VPS13B: variants seen among roughly 807,000 people sequenced by gnomAD.
VPS13B encodes vacuolar protein sorting 13 homolog B.
A neutral mutation model predicts 426.4 loss-of-function variants in VPS13B; 285 were observed. That is an observed-to-expected ratio of 0.67 (90% CI 0.61 to 0.74). VPS13B has a LOEUF of 0.74. Among genes scored for constraint, VPS13B ranks in the 30% least tolerant of loss-of-function variants. VPS13B has a pLI of 0.00. For synonymous variants in VPS13B, 1,676 were observed against 1,676.4 expected (o/e 1.00, Z 0.01); for missense variants, 4,537 against 4,782.6 (o/e 0.95, Z 1.51).
chr8:99,386,972 AAAT>A (rs1814159391), intron 20 of VPS13B, among the ~76,000 whole-genome samples: 1 of 152,144 alleles, frequency 6.6e-6, no homozygotes, highest in African/African-American at 2.4e-5. Context: ...CCATCTCTAA[AAAT>A]AATAAGAATA....
At chr8:99,148,181 C>T (rs1267933063) in intron 14 of VPS13B, among the ~76,000 whole-genome samples, 171 bp downstream of exon 14, 1 of 151,106 alleles carries the variant, frequency 6.6e-6, no homozygotes, top group East Asian at 1.9e-4. Context: ...AGTTTGAGAC[C>T]AGCCTAGGCA....
At chr8:99,016,060 T>C (rs1841595617) in intron 2 of VPS13B, among the ~76,000 whole-genome samples, 1 of 152,240 alleles carries the variant, frequency 6.6e-6, no homozygotes, top group African/African-American at 2.4e-5. Context: ...CCCATGTTGT[T>C]AGAAGAGTTT....
intron 33 of VPS13B, among the ~76,000 whole-genome samples, chr8:99,585,598 G>A (rs770755019): frequency 1.2e-4 from 19 of 152,032 alleles, no homozygotes; most frequent in Admixed American, 3.9e-4. Context: ...ATCTCAATAA[G>A]TGAAAAAAAT....
At chr8:99,503,057 A>G (rs1821323620) in intron 27 of VPS13B, 107 bp downstream of exon 27, 5 of 793,224 alleles carry the variant, frequency 6.3e-6, no homozygotes, top group African/African-American at 5.1e-5. Flanking sequence ...TAAATACTAT[A>G]CAGGCATACC....
rs531364654 is a variant in VPS13B, at chr8:99,320,405, T to G, written c.2824+45151T>G. On this transcript the variant is annotated intron_variant, in intron 19 of 61. Transcript: ENST00000357162. ...ATACAACATCAGTAATTTCTTCCTC[T>G]TCTTCAATTTTCTTTTTACTCTTCC... 4.5e-4 allele frequency among the ~76,000 whole-genome samples: 68 copies of G among 152,340 alleles called. No individual in the cohort carries two copies. The South Asian group carries it at 0.014, about 31-fold the overall frequency.
intron 17 of VPS13B, among the ~76,000 whole-genome samples, chr8:99,237,119 A>G (rs928005775): frequency 1.3e-5 from 2 of 152,138 alleles, no homozygotes. Flanking sequence ...GCCTTCCCCC[A>G]TGATTGTGAG....
intron 35 of VPS13B, among the ~76,000 whole-genome samples, chr8:99,693,010 C>T (rs1253167470): frequency 1.5e-3 from 195 of 133,794 alleles, no homozygotes; most frequent in East Asian, 3.5e-3. Flanking sequence ...AGTTGAATCT[C>T]TGAATAGACC....
chr8:99,631,712 T>G (rs935108610), intron 33 of VPS13B, among the ~76,000 whole-genome samples: 6 of 151,970 alleles, frequency 3.9e-5, no homozygotes, highest in African/African-American at 1.2e-4. Context: ...ATGGTGTGTG[T>G]GTGGGTGTGT....
At chr8:99,352,562 A>G (rs3103721) in intron 19 of VPS13B, among the ~76,000 whole-genome samples, 125,695 of 152,186 alleles carry the variant, frequency 0.83, 52,432 homozygotes, top group South Asian at 0.89. Context: ...GGCTGGGCGC[A>G]GTGGCTCACG....
intron 33 of VPS13B, among the ~76,000 whole-genome samples, chr8:99,613,043 T>A (rs1321952349): frequency 3.9e-5 from 6 of 152,318 alleles, no homozygotes; most frequent in Admixed American, 1.3e-4. Context: ...GTATCTTTTT[T>A]AAAAAAATCT....
chr8:99,378,314 C>A lies in VPS13B; in HGVS notation c.2825-5894C>A, dbSNP rs139607496. The stretch of plus-strand genomic sequence containing the variant: ...GCTATCTCTCTTGTTCCCTGAAAAT[C>A]GCTGTTTTCCTGTTCTTAAGGTGCC... On this transcript the variant is annotated intron_variant, in intron 19 of 61. Transcript: ENST00000357162. Among the ~76,000 whole-genome samples, 1,030 of 152,204 alleles carry A rather than the reference C, an allele frequency of 6.8e-3. 10 individuals are homozygous for A. Among genetic ancestry groups the A allele is most frequent in the African/African-American group, 0.024 (997 of 41,528 alleles).
intron 33 of VPS13B, among the ~76,000 whole-genome samples, chr8:99,582,719 A>T (rs762837384): frequency 1.5e-4 from 23 of 151,826 alleles, no homozygotes; most frequent in Admixed American, 5.2e-4. Flanking sequence ...GCAGTGGCGC[A>T]ATCTCGGCTC....
At chr8:99,497,691 G>A (rs1821003438) in intron 25 of VPS13B, among the ~76,000 whole-genome samples, 1 of 152,010 alleles carries the variant, frequency 6.6e-6, no homozygotes, top group Non-Finnish European at 1.5e-5. Flanking sequence ...TGCTGTAGTA[G>A]CAAAACTCTT....
intron 23 of VPS13B, among the ~76,000 whole-genome samples, chr8:99,463,657 T>C (rs1245530185): frequency 6.6e-6 from 1 of 152,170 alleles, no homozygotes; most frequent in East Asian, 1.9e-4. Context: ...TAAATTAACA[T>C]CACTTAGAAT....
intron 19 of VPS13B, among the ~76,000 whole-genome samples, chr8:99,371,995 T>A (rs1813205497): frequency 6.6e-6 from 1 of 152,144 alleles, no homozygotes; most frequent in Non-Finnish European, 1.5e-5. Flanking sequence ...AAGCAGCCTG[T>A]AATCCCAGCA....
intron 21 of VPS13B, among the ~76,000 whole-genome samples, chr8:99,409,278 G>A (rs1418392492): frequency 6.6e-6 from 1 of 152,084 alleles, no homozygotes; most frequent in African/African-American, 2.4e-5. Flanking sequence ...TGAGAATCTG[G>A]GTGATGAGGG....
At chr8:99,362,232 C>T (rs1346066260) in intron 19 of VPS13B, among the ~76,000 whole-genome samples, 1 of 150,396 alleles carries the variant, frequency 6.6e-6, no homozygotes, top group South Asian at 2.1e-4. Context: ...AGCTCCGCCT[C>T]CCAGTTTCAC....
At chr8:99,030,459 T>TGA (rs1179456397) in intron 2 of VPS13B, among the ~76,000 whole-genome samples, 3 of 87,260 alleles carry the variant, frequency 3.4e-5, no homozygotes, top group East Asian at 3.1e-4. Flanking sequence ...TATGAGTGAG[T>TGA]GAGTGTGTGT....
intron 3 of VPS13B, among the ~76,000 whole-genome samples, chr8:99,094,873 G>A (rs2132426265): frequency 6.6e-6 from 1 of 152,148 alleles, no homozygotes; most frequent in East Asian, 1.9e-4. Flanking sequence ...AATTCATGGT[G>A]CGCAATGCAC....
Sources: allele counts gnomAD v4.1 joint callset (sites outside exome capture counted in the v4.1 genomes callset), GRCh38; gene constraint gnomAD v4.1.1; transcripts MANE v1.5; gene names NCBI Gene and HGNC (gene_info 2026-07-23, HGNC 2026-07-21).